Variants in C10orf143 observed in about 807,000 individuals in gnomAD.
C10orf143 encodes uncharacterized protein C10orf143.
chr10:130,046,823 ACT>A (rs1313969943), intron 3 of C10orf143, among the ~76,000 whole-genome samples: 1 of 152,032 alleles, frequency 6.6e-6, no homozygotes, highest in African/African-American at 2.4e-5. Flanking sequence ...CCTAGGCCTA[ACT>A]CTCCCAGGAG....
At chr10:130,097,343 A>G (rs938061112) in intron 1 of C10orf143, among the ~76,000 whole-genome samples, 1 of 152,104 alleles carries the variant, frequency 6.6e-6, no homozygotes, top group African/African-American at 2.4e-5. Context: ...ATTTGAGGCC[A>G]GGGTTTGAGA....
intron 3 of C10orf143, among the ~76,000 whole-genome samples, chr10:130,051,210 C>T (rs944663110): frequency 2.6e-5 from 4 of 152,032 alleles, no homozygotes; most frequent in Admixed American, 2.0e-4. Context: ...CACCTTCCTT[C>T]AGTGGCTGTT....
At chr10:130,046,527 C>T (rs1252228027) in intron 3 of C10orf143, among the ~76,000 whole-genome samples, 2 of 152,308 alleles carry the variant, frequency 1.3e-5, no homozygotes, top group African/African-American at 2.4e-5. Context: ...TCTTCATAAC[C>T]GAAGTGTGTT....
At chr10:130,046,582 T>C (rs1018780631) in intron 3 of C10orf143, among the ~76,000 whole-genome samples, 6 of 152,268 alleles carry the variant, frequency 3.9e-5, no homozygotes, top group Admixed American at 2.0e-4. Context: ...TTTTAATTTT[T>C]ACATTTTAAT....
intron 1 of C10orf143, chr10:130,101,205 ACT>A (rs928741316): frequency 1.3e-5 from 2 of 150,614 alleles, no homozygotes; most frequent in Admixed American, 1.3e-4. Flanking sequence ...GGCAACAGAG[ACT>A]CTGTCTGGGG....
At chr10:130,060,822 CAAAAAAAA>C (rs11312813), downstream of C10orf143, among the ~76,000 whole-genome samples, 3 of 53,362 alleles carry the variant, frequency 5.6e-5, no homozygotes, top group Admixed American at 2.3e-4. Flanking sequence ...GACTCCGTCT[CAAAAAAAA>C]AAAAAAAAAA....
chr10:130,100,488 C>T (rs1187687999), intron 1 of C10orf143, among the ~76,000 whole-genome samples: 3 of 152,136 alleles, frequency 2.0e-5, no homozygotes, highest in African/African-American at 7.2e-5. Flanking sequence ...TACTGCACTC[C>T]AGCCTGGGCA....
Position 130,065,536 on chromosome 10 carries a change from G to C in C10orf143, c.298-1153C>G, listed in dbSNP as rs972007651. 6 of 152,778 alleles carry C rather than the reference G, an allele frequency of 3.9e-5. No individual in the cohort carries two copies. The highest frequency in any genetic ancestry group is 8.8e-5 in the Non-Finnish European group (6 of 68,560). The allele number at this position is 152,778 out of a possible 1,614,324, so 9.5% of individuals were successfully genotyped here. A position where few individuals can be genotyped will look rare whatever the true frequency, so the allele number is the denominator to read the frequency against. ...TGGCAGGGATGGGAGCAGCTGTCTG[G>C]GAGGTCAAGCAACACTGAGATTTGA... On this transcript the variant is annotated intron_variant, in intron 3 of 3. Coordinates refer to ENST00000637128, the MANE Select transcript of C10orf143 (RefSeq NM_001355042.2). This position sits in a 1 kb window ranked among gnomAD's most constrained non-coding sequence, Gnocchi z 4.2.
intron 1 of C10orf143, among the ~76,000 whole-genome samples, chr10:130,086,393 T>C (rs1861292582): frequency 6.6e-6 from 1 of 152,276 alleles, no homozygotes; most frequent in African/African-American, 2.4e-5. Context: ...ATTTGATTTG[T>C]AGCATATCAA....
In C10orf143 at chr10:130,070,986, GCTCACTGCAACTTCCAC is replaced by G. The variant is rs567771178; in HGVS notation, c.298-6620_298-6604del. 2.9e-3 allele frequency among the ~76,000 whole-genome samples: 435 copies of G among 152,192 alleles called. 2 individuals carry two copies. The highest frequency in any genetic ancestry group is 0.01 in the African/African-American group (416 of 41,512). On this transcript the variant is annotated intron_variant, in intron 3 of 3. Transcript: ENST00000637128. ...GCTGGAGTGCAGTGGTGGGATCTTG[GCTCACTGCAACTTCCAC>G]CTCACAGGCTCAAGTGATTCTCTTG... is the stretch of plus-strand genomic sequence containing the variant.
Position 130,042,818 on chromosome 10 carries a change from G to A in C10orf143, c.298-6848C>T, listed in dbSNP as rs1171719. On this transcript the variant is annotated intron_variant and NMD_transcript_variant, in intron 3 of 5. Transcript: ENST00000643056. The stretch of plus-strand genomic sequence containing the variant: ...GCAACGCTTGGAAAGGAGGTGGGCC[G>A]TCACGGCTTGGAGGAAACTTGAAAG... 3.2e-3 allele frequency among the ~76,000 whole-genome samples: 484 copies of A among 152,352 alleles called. 3 individuals are homozygous for A. The highest frequency in any genetic ancestry group is 0.011 in the African/African-American group (448 of 41,588).
At chr10:130,055,954 A>T (rs1163690019) in intron 3 of C10orf143, among the ~76,000 whole-genome samples, 3 of 80,082 alleles carry the variant, frequency 3.7e-5, no homozygotes, top group Non-Finnish European at 6.8e-5. Flanking sequence ...TCCAAAAGTA[A>T]AAAAAAAAAA....
At chr10:130,072,567 C>A (rs1180691255) in intron 3 of C10orf143, among the ~76,000 whole-genome samples, 1 of 152,124 alleles carries the variant, frequency 6.6e-6, no homozygotes, top group African/African-American at 2.4e-5. Context: ...ATATCATGCA[C>A]TTTTAGTTCT....
Position 130,110,691 on chromosome 10 carries a change from C to G in C10orf143, c.69+13G>C. 2.5e-6 allele frequency: 1 copy of G among 398,818 alleles called. No homozygotes were observed. The highest frequency in any genetic ancestry group is 4.4e-6 in the Non-Finnish European group (1 of 226,050). The allele number at this position is 398,818 out of a possible 1,614,324, so 24.7% of individuals were successfully genotyped here. ...GCCCTCCCGTCCCTAACGCCCAGGC[C>G]CCGGGGGCTCACCACGTCCCCCGGA... is the stretch of plus-strand genomic sequence containing the variant. On this transcript the variant is annotated intron_variant, in intron 1 of 3. Coordinates refer to ENST00000637128, the MANE Select transcript of C10orf143 (RefSeq NM_001355042.2).
downstream of C10orf143, among the ~76,000 whole-genome samples, chr10:130,059,078 AT>A (rs935524232): frequency 3.3e-5 from 5 of 152,226 alleles, no homozygotes; most frequent in African/African-American, 1.2e-4. Context: ...ACTGGTTAAT[AT>A]TTGGGGAAAA....
At chr10:130,106,238 TC>T (rs753727524) in intron 1 of C10orf143, 2 of 1,417,092 alleles carry the variant, frequency 1.4e-6, no homozygotes, top group Non-Finnish European at 2.0e-6. Context: ...AAGTTTTAGA[TC>T]GGTTAGGAGT....
chr10:130,093,720 A>T (rs1190189728), intron 1 of C10orf143, among the ~76,000 whole-genome samples: 2 of 152,212 alleles, frequency 1.3e-5, no homozygotes, highest in Non-Finnish European at 2.9e-5. Context: ...ACAATAAAAA[A>T]TGATAAAGGG....
intron 3 of C10orf143, among the ~76,000 whole-genome samples, chr10:130,075,546 A>C (rs920959915): frequency 6.6e-6 from 1 of 152,220 alleles, no homozygotes; most frequent in Non-Finnish European, 1.5e-5. Flanking sequence ...AAACAGAGGG[A>C]CTGTAACAAG....
At chr10:130,051,241 A>G (rs1020460065) in intron 3 of C10orf143, among the ~76,000 whole-genome samples, 6 of 138,738 alleles carry the variant, frequency 4.3e-5, no homozygotes, top group Non-Finnish European at 6.3e-5. Context: ...TCCCTCTCCT[A>G]CCCCCGCCTC....
Sources: gnomAD v4.1 joint callset for allele counts (sites outside exome capture counted in the v4.1 genomes callset) on GRCh38, gnomAD v4.1.1 for gene constraint, Gnocchi (gnomAD v3.1) non-coding constraint, MANE v1.5 for transcripts, NCBI Gene and HGNC (gene_info 2026-07-23, HGNC 2026-07-21) for gene names.